The following GPC5 variants were observed in gnomAD, a reference collection of about 807,000 sequenced individuals.
GPC5 encodes glypican 5, also known as glypican-5.
A neutral mutation model predicts 53.9 loss-of-function variants in GPC5; 47 were observed. The ratio of observed to expected loss-of-function variants is 0.87; its 90% CI spans 0.69 to 1.11. The LOEUF (loss-of-function observed/expected upper bound fraction) is 1.11. GPC5 is among the 50% of genes most tolerant of loss of function. The pLI is 0.00. For synonymous variants in GPC5, 286 were observed against 263.3 expected, an observed-to-expected ratio of 1.09 and a Z score of -0.84; for missense variants, 748 against 713.1, an observed-to-expected ratio of 1.05 and a Z score of -0.56.
chr13:92,090,881 G>T (rs533491782), intron 6 of GPC5, among the ~76,000 whole-genome samples: 4 of 152,328 alleles, frequency 2.6e-5, no homozygotes, highest in African/African-American at 9.6e-5. Context: ...GTCTGGTTAA[G>T]ATCATGTGCA....
chr13:92,317,675 T>A (rs899718621), intron 7 of GPC5, among the ~76,000 whole-genome samples: 1 of 151,826 alleles, frequency 6.6e-6, no homozygotes, highest in African/African-American at 2.4e-5. Context: ...TTTATTTTTT[T>A]ATTTTTACTA....
intron 7 of GPC5, among the ~76,000 whole-genome samples, chr13:92,663,854 CACTATATATATATATATATATA>C (rs1566351032): frequency 1.3e-5 from 1 of 75,310 alleles, no homozygotes; most frequent in Admixed American, 1.4e-4. Flanking sequence ...TACACACACA[CACTATATATATATATATATATA>C]TATATATATA....
At chr13:91,700,185 C>G (rs945687704) in intron 3 of GPC5, among the ~76,000 whole-genome samples, 1 of 152,140 alleles carries the variant, frequency 6.6e-6, no homozygotes. Context: ...GTGAGTGGAA[C>G]CTCTCCTGAG....
intron 6 of GPC5, among the ~76,000 whole-genome samples, chr13:92,106,052 A>G (rs971692461): frequency 5.3e-5 from 8 of 151,874 alleles, no homozygotes; most frequent in African/African-American, 1.9e-4. Flanking sequence ...ATTCCTTTTC[A>G]TTTTGTGTAG....
rs1370557025 is a variant in GPC5, at chr13:91,781,369, G to A, written c.1280+24949G>A. On this transcript the variant is annotated intron_variant, in intron 5 of 7. Coordinates refer to ENST00000377067, the MANE Select transcript of GPC5 (RefSeq NM_004466.6). The stretch of plus-strand genomic sequence containing the variant: ...TATGCTGTACTGAGAATAGTTGGGT[G>A]CTGTTGCATTTTATAGAAAAGATGT... Among the ~76,000 whole-genome samples the A allele has an allele frequency of 9.2e-5, 14 of 152,312 alleles. No homozygotes were observed. The South Asian group carries it at 2.7e-3, about 29-fold the overall frequency.
intron 6 of GPC5, among the ~76,000 whole-genome samples, chr13:92,098,339 C>T (rs567607488): frequency 5.9e-5 from 9 of 152,192 alleles, no homozygotes; most frequent in African/African-American, 2.2e-4. Context: ...AATGCACGAT[C>T]TTGTTTTTGT....
intron 5 of GPC5, among the ~76,000 whole-genome samples, chr13:91,798,699 C>T (rs1183948011): frequency 2.6e-5 from 4 of 151,952 alleles, no homozygotes; most frequent in Non-Finnish European, 5.9e-5. Flanking sequence ...ACGTATATAT[C>T]CAGTAATGAT....
chr13:91,762,821 A>C (rs1210422636), intron 5 of GPC5, among the ~76,000 whole-genome samples: 2 of 152,158 alleles, frequency 1.3e-5, no homozygotes, highest in Non-Finnish European at 2.9e-5. Context: ...CATTTTCTCC[A>C]TGCAACTGTA....
At chr13:92,157,143 T>A (rs996119113) in intron 7 of GPC5, among the ~76,000 whole-genome samples, 1 of 152,210 alleles carries the variant, frequency 6.6e-6, no homozygotes, top group Non-Finnish European at 1.5e-5. Context: ...GTACCATAAT[T>A]TCATATCCTC....
rs574512873 is a variant in GPC5, at chr13:92,593,414, G to T, written c.1562-272868G>T. Among the ~76,000 whole-genome samples, 60 of 151,100 alleles carry T rather than the reference G, an allele frequency of 4.0e-4. 1 individual carries two copies. Among genetic ancestry groups the T allele is most frequent in the Non-Finnish European group, 7.5e-4 (51 of 67,560 alleles). On this transcript the variant is annotated intron_variant, in intron 7 of 7. Coordinates refer to ENST00000377067, the MANE Select transcript of GPC5 (RefSeq NM_004466.6). ...GGAAGATTGGAGGTTGAAGTGTGGG[G>T]TATCAAGAGTTCTTTTTCTGGAAAC...
chr13:92,774,697 G>A (rs944311040), intron 7 of GPC5, among the ~76,000 whole-genome samples: 3 of 152,142 alleles, frequency 2.0e-5, no homozygotes, highest in African/African-American at 7.2e-5. Context: ...TTTAATGTTT[G>A]TAGGTTTGGT....
At chr13:91,447,465 T>C (rs1233619894) in intron 1 of GPC5, among the ~76,000 whole-genome samples, 1 of 152,160 alleles carries the variant, frequency 6.6e-6, no homozygotes, top group Non-Finnish European at 1.5e-5. Flanking sequence ...CTTCTTAGCC[T>C]TTGTAAAGTG....
At chr13:92,286,529 T>A (rs2139177146) in intron 7 of GPC5, among the ~76,000 whole-genome samples, 1 of 152,208 alleles carries the variant, frequency 6.6e-6, no homozygotes, top group East Asian at 1.9e-4. Context: ...ATGTGGCACA[T>A]ATACACCATG....
intron 7 of GPC5, among the ~76,000 whole-genome samples, chr13:92,431,206 A>G (rs147487361): frequency 0.016 from 2,383 of 152,288 alleles, 68 homozygotes; most frequent in African/African-American, 0.053. Flanking sequence ...TTAGATATGT[A>G]ATGATGAGCA....
Position 91,572,138 on chromosome 13 carries a change from T to C in GPC5, c.326-121049T>C, listed in dbSNP as rs115960066. On this transcript the variant is annotated intron_variant, in intron 2 of 7. Coordinates refer to ENST00000377067, the MANE Select transcript of GPC5 (RefSeq NM_004466.6). ...GTATATATACGTGTGTATATACACATATGTATATATACGTGTGTATACACA... is the reference window on the plus strand; with the variant it reads ...GTATATATACGTGTGTATATACACACATGTATATATACGTGTGTATACACA... 5.9e-3 allele frequency among the ~76,000 whole-genome samples: 736 copies of C among 124,254 alleles called. 46 individuals are homozygous for C. Among genetic ancestry groups the C allele is most frequent in the South Asian group, 0.02 (92 of 4,494 alleles). The allele number at this position is 124,254 out of a possible 152,430, so 81.5% of individuals were successfully genotyped here.
intron 7 of GPC5, among the ~76,000 whole-genome samples, chr13:92,242,746 A>G (rs763275143): frequency 6.6e-6 from 1 of 152,256 alleles, no homozygotes; most frequent in Non-Finnish European, 1.5e-5. Flanking sequence ...CATATACAAA[A>G]ATTATAACCT....
intron 7 of GPC5, among the ~76,000 whole-genome samples, chr13:92,280,500 C>T (rs959736239): frequency 1.3e-5 from 2 of 152,136 alleles, no homozygotes; most frequent in African/African-American, 4.8e-5. Flanking sequence ...CTGTAAGTTT[C>T]CCTTCAAGCA....
chr13:92,070,708 C>T (rs956142598), intron 6 of GPC5, among the ~76,000 whole-genome samples: 2 of 152,192 alleles, frequency 1.3e-5, no homozygotes, highest in Non-Finnish European at 2.9e-5. Flanking sequence ...TCTCGGACCA[C>T]TTATCTTAAA....
At chr13:92,221,903 G>A (rs560802623) in intron 7 of GPC5, among the ~76,000 whole-genome samples, 1 of 152,084 alleles carries the variant, frequency 6.6e-6, no homozygotes, top group Admixed American at 6.6e-5. Context: ...TATAAACTTG[G>A]ACAATATAAT....
Sources: allele counts gnomAD v4.1 joint callset (sites outside exome capture counted in the v4.1 genomes callset), GRCh38; gene constraint gnomAD v4.1.1; transcripts MANE v1.5; gene names NCBI Gene and HGNC (gene_info 2026-07-23, HGNC 2026-07-21).